The following GDF1 variants were observed in gnomAD, a reference collection of about 807,000 sequenced individuals.
GDF1 encodes the protein growth differentiation factor 1, also known as embryonic growth/differentiation factor 1.
Under a neutral mutation model 7.4 loss-of-function variants are expected in GDF1, and 8 were observed. The ratio of observed to expected loss-of-function variants is 1.09; its 90% confidence interval spans 0.64 to 1.96. The LOEUF is 1.96. Among genes scored for constraint, GDF1 ranks in the 30% most tolerant of loss-of-function variants. The probability of loss-of-function intolerance (pLI) is 0.00; values close to 1 mark genes in which losing one functional copy is unlikely to be tolerated. For missense variants in GDF1, 574 were observed against 551.5 expected (o/e 1.04, Z -0.41); for synonymous variants, 311 against 276.7 (o/e 1.12, Z -1.23).
chr19:18,869,455 T>G (rs2055921860), intron 7 of GDF1, 65 bp from the exon 8 acceptor site: 1 of 1,501,820 alleles, frequency 6.7e-7, no homozygotes, highest in Non-Finnish European at 8.8e-7. Context: ...GGGTCTCGGT[T>G]AGGGACAGGG....
intron 6 of GDF1, among the ~76,000 whole-genome samples, chr19:18,875,689 A>G (rs977098909): frequency 6.6e-6 from 1 of 152,168 alleles, no homozygotes; most frequent in East Asian, 1.9e-4. Flanking sequence ...TTTCTTGGTC[A>G]TGAGACCACA....
intron 3 of GDF1, among the ~76,000 whole-genome samples, chr19:18,881,058 G>A (rs1427839186): frequency 1.3e-5 from 2 of 151,728 alleles, no homozygotes; most frequent in African/African-American, 2.4e-5. Context: ...TATGACCCCC[G>A]ACTCTCACAG....
rs927642111 is a variant in GDF1, at chr19:18,868,953, C to T, written c.763G>A (p.Ala255Thr). The part of the protein sequence containing the change: ...CHPLARPRRD[A>T]EPVLGGGPGG... ...GGGCCGCCGCCCAACACGGGTTCGG[C>T]GTCGCGCCGCGGCCGGGCCAGGGGG... Residue 255 changes from alanine to threonine, a missense_variant, in exon 8 of 8, where the codon GCC becomes ACC. By Grantham distance (58) the Ala-to-Thr change is moderately conservative. Transcript: ENST00000247005. 52 of 1,187,856 alleles carry T rather than the reference C, an allele frequency of 4.4e-5. No individual in the cohort carries two copies. Among genetic ancestry groups the T allele is most frequent in the Non-Finnish European group, 5.2e-5 (50 of 958,114 alleles). The allele number at this position is 1,187,856 out of a possible 1,614,324, so 73.6% of individuals were successfully genotyped here.
chr19:18,872,448 CG>C (rs1458989039), intron 6 of GDF1, among the ~76,000 whole-genome samples: 1 of 151,686 alleles, frequency 6.6e-6, no homozygotes, highest in Non-Finnish European at 1.5e-5. Flanking sequence ...CCCAGGTTCA[CG>C]GGATTCTCCT....
rs78540736 is a variant in GDF1, at chr19:18,873,393, A to G, written c.-312-2774T>C. On this transcript the variant is annotated intron_variant, in intron 6 of 7. Transcript: ENST00000247005. ...GGCCAGAGAGACAGAGCAGGAGTGCAGAGTAAATAAAGGGCTTCAAGGGCC... is the reference window on the plus strand; with the variant it reads ...GGCCAGAGAGACAGAGCAGGAGTGCGGAGTAAATAAAGGGCTTCAAGGGCC... 4.0e-3 allele frequency among the ~76,000 whole-genome samples: 608 copies of G among 152,094 alleles called. 5 individuals carry two copies. Among genetic ancestry groups the G allele is most frequent in the African/African-American group, 0.014 (586 of 41,496 alleles).
intron 2 of GDF1, among the ~76,000 whole-genome samples, chr19:18,886,064 C>T (rs1166169340): frequency 6.6e-6 from 1 of 152,182 alleles, no homozygotes; most frequent in African/African-American, 2.4e-5. Context: ...CGTCCACCTC[C>T]TCCTCTCCTC....
Position 18,884,035 on chromosome 19 carries a change from G to A in GDF1, c.-733+52C>T, listed in dbSNP as rs1415731564. 52 of 1,566,858 alleles carry A rather than the reference G, an allele frequency of 3.3e-5. No homozygotes were observed. In the East Asian group the frequency reaches 9.7e-4, roughly 29 times the overall value. ...GTGCCCCGCCGCAACATCAGCCTCC[G>A]CACTCTGTGTGGGCTGTGCCTCGGC... On this transcript the variant is annotated intron_variant, in intron 3 of 7. Transcript: ENST00000247005.
chr19:18,872,553 T>C (rs373987166), intron 6 of GDF1, among the ~76,000 whole-genome samples: 1 of 151,482 alleles, frequency 6.6e-6, no homozygotes, highest in Non-Finnish European at 1.5e-5. Flanking sequence ...CTCGCTCTTG[T>C]CCCCCAGGCG....
chr19:18,871,584 A>G (rs2055972134), intron 6 of GDF1, among the ~76,000 whole-genome samples: 1 of 152,168 alleles, frequency 6.6e-6, no homozygotes, highest in Non-Finnish European at 1.5e-5. Context: ...TGAGGTTGCT[A>G]TGTTGTCCAG....
At chr19:18,873,707 T>A (rs1035634875) in intron 6 of GDF1, among the ~76,000 whole-genome samples, 3 of 150,560 alleles carry the variant, frequency 2.0e-5, no homozygotes, top group African/African-American at 4.9e-5. Context: ...CCAGGTGTGG[T>A]GTACACGCCT....
Position 18,870,005 on chromosome 19 carries a change from G to A in GDF1, c.303C>T (p.Ile101=), listed in dbSNP as rs751137635. 29 of 1,596,228 alleles carry A rather than the reference G, an allele frequency of 1.8e-5. No homozygotes were observed. The highest frequency in any genetic ancestry group is 2.3e-5 in the Non-Finnish European group (27 of 1,173,206). The change falls in exon 7 of 8, where the codon ATC becomes ATT. Residue 101 remains isoleucine, a synonymous_variant. Coordinates refer to ENST00000247005, the MANE Select transcript of GDF1 (RefSeq NM_001492.6). The surrounding 1 kb of genome is among the most constrained non-coding windows in gnomAD (Gnocchi z 5.1). ...CACCGCGGTCCGGGATGTGGCGCAC[G>A]ATGTTTCCGGCGACCCCCAGCTCCT... ...HVEELGVAGN[I]VRHIPDRGAP... is the part of the protein sequence containing the mutation.
chr19:18,893,639 T>C (rs2056552702), intron 1 of GDF1, 64 bp from the exon 2 acceptor site: 1 of 1,509,548 alleles, frequency 6.6e-7, no homozygotes. Context: ...TCCTTTGGGG[T>C]GGGGAAACTG....
chr19:18,887,995 G>C (rs1252705918), intron 2 of GDF1, among the ~76,000 whole-genome samples: 1 of 152,012 alleles, frequency 6.6e-6, no homozygotes, highest in African/African-American at 2.4e-5. Flanking sequence ...CATATAAGTG[G>C]AATCACATAG....
chr19:18,892,493 G>A (rs991799817), intron 2 of GDF1, among the ~76,000 whole-genome samples: 2 of 151,806 alleles, frequency 1.3e-5, no homozygotes, highest in African/African-American at 4.8e-5. Context: ...GGGCGCCTGT[G>A]GTCCCAGCTA....
At chr19:18,881,571 C>T (rs1394472841) in intron 3 of GDF1, 1 of 152,166 alleles carries the variant, frequency 6.6e-6, no homozygotes, top group African/African-American at 2.4e-5. Flanking sequence ...TCCACAGAGT[C>T]TCCATCTGAC....
At chr19:18,884,301 G>C in intron 2 of GDF1, 34 bp from the exon 3 acceptor site, 1 of 1,582,300 alleles carries the variant, frequency 6.3e-7, no homozygotes. Flanking sequence ...TCAGGGCCCT[G>C]CGAAGCCTCT....
chr19:18,883,712 G>C (rs542318228), intron 3 of GDF1, among the ~76,000 whole-genome samples: 1 of 152,124 alleles, frequency 6.6e-6, no homozygotes, highest in Non-Finnish European at 1.5e-5. Flanking sequence ...TGTCAGCTGC[G>C]TTCACAGCCA....
chr19:18,892,503 A>G lies in GDF1; in HGVS notation c.-914+913T>C, dbSNP rs144021062. Among the ~76,000 whole-genome samples, 592 of 151,994 alleles carry G rather than the reference A, an allele frequency of 3.9e-3. 24 individuals carry two copies. In the East Asian group the frequency reaches 0.072, roughly 18 times the overall value. ...GTGGCGGGCGCCTGTGGTCCCAGCT[A>G]CTCAGGAGGCTGAGGCAGGAGAATG... is the stretch of plus-strand genomic sequence containing the variant. On this transcript the variant is annotated intron_variant, in intron 2 of 7. Transcript: ENST00000247005.
chr19:18,888,186 C>T (rs948635306), intron 2 of GDF1, among the ~76,000 whole-genome samples: 1 of 151,902 alleles, frequency 6.6e-6, no homozygotes, highest in Admixed American at 6.6e-5. Flanking sequence ...ATGGTGAAAC[C>T]CCAGCTCTAC....
Sources: allele counts gnomAD v4.1 joint callset (sites outside exome capture counted in the v4.1 genomes callset), GRCh38; gene constraint gnomAD v4.1.1; non-coding constraint Gnocchi (gnomAD v3.1); transcripts MANE v1.5; gene names NCBI Gene and HGNC (gene_info 2026-07-23, HGNC 2026-07-21).